NEK10: variants seen among roughly 807,000 people sequenced by gnomAD.
The protein encoded by NEK10 is NIMA related kinase 10, also known as serine/threonine-protein kinase Nek10.
In NEK10, 122 loss-of-function variants were observed where a neutral mutation model predicts 159.8. The ratio of observed to expected loss-of-function variants is 0.76; its 90% CI spans 0.66 to 0.89. NEK10 has a LOEUF of 0.89. NEK10 is among the 40% of genes least tolerant of loss of function. The pLI is 0.00. For synonymous variants in NEK10, 466 were observed against 457.1 expected (o/e 1.02, Z -0.25); for missense variants, 1,342 against 1,323.1 (o/e 1.01, Z -0.22).
chr3:27,340,426 A>G (rs566300013), intron 5 of NEK10, among the ~76,000 whole-genome samples: 3 of 152,132 alleles, frequency 2.0e-5, no homozygotes, highest in Non-Finnish European at 4.4e-5. Flanking sequence ...TAAAACCTAG[A>G]CAACGGGTGG....
In NEK10 at chr3:27,271,654, G is replaced by C. The variant is rs148628493; in HGVS notation, c.2014+12948C>G. Reference sequence around the variant, plus strand: ...GAGAGTTGAGAGGTATTCTTAAAATGAGCAAAAACTAATATTGTTTGGACA... The same window carrying C: ...GAGAGTTGAGAGGTATTCTTAAAATCAGCAAAAACTAATATTGTTTGGACA... On this transcript the variant is annotated intron_variant, in intron 22 of 35. Coordinates refer to ENST00000691995, the MANE Select transcript of NEK10 (RefSeq NM_001394966.1). Among the ~76,000 whole-genome samples the C allele has an allele frequency of 3.3e-5, 5 of 152,226 alleles. No individual in the cohort carries two copies. In the East Asian group the frequency reaches 9.6e-4, roughly 29 times the overall value.
chr3:27,299,266 G>A (rs561383844), intron 13 of NEK10, among the ~76,000 whole-genome samples: 25 of 152,314 alleles, frequency 1.6e-4, no homozygotes, highest in African/African-American at 5.5e-4. Context: ...ACTAAAAGGG[G>A]CCAAGGTACA....
intron 14 of NEK10, among the ~76,000 whole-genome samples, 177 bp downstream of exon 14, chr3:27,296,998 TAAAG>T (rs1294221109): frequency 2.0e-5 from 3 of 152,154 alleles, no homozygotes; most frequent in African/African-American, 4.8e-5. Flanking sequence ...TCAAATGAGT[TAAAG>T]GAGGAAGGAG....
intron 23 of NEK10, among the ~76,000 whole-genome samples, chr3:27,249,802 CTTCT>C (rs1223483205): frequency 1.4e-4 from 21 of 152,040 alleles, no homozygotes; most frequent in African/African-American, 5.1e-4. Flanking sequence ...CTCTTTCATT[CTTCT>C]TTCCTGTCTT....
intron 28 of NEK10, among the ~76,000 whole-genome samples, chr3:27,174,075 G>C (rs935907829): frequency 2.0e-5 from 3 of 151,956 alleles, no homozygotes; most frequent in Admixed American, 6.6e-5. Context: ...TCTATACCAG[G>C]ACCAATTTCT....
chr3:27,302,116 C>A (rs967370626), intron 12 of NEK10, among the ~76,000 whole-genome samples: 1 of 152,160 alleles, frequency 6.6e-6, no homozygotes, highest in Non-Finnish European at 1.5e-5. Flanking sequence ...GGAGTTGATT[C>A]ACCTGAATAC....
At chr3:27,208,572 C>A (rs964120833) in intron 23 of NEK10, among the ~76,000 whole-genome samples, 1 of 152,066 alleles carries the variant, frequency 6.6e-6, no homozygotes, top group African/African-American at 2.4e-5. Context: ...CACAGGACTT[C>A]AGAATTGATT....
At chr3:27,237,517 G>A (rs1444577692) in intron 23 of NEK10, among the ~76,000 whole-genome samples, 3 of 147,422 alleles carry the variant, frequency 2.0e-5, no homozygotes, top group Admixed American at 6.7e-5. Flanking sequence ...TTCCTCTGCC[G>A]TGGCTCCAGC....
At chr3:27,328,391 A>C (rs937836404) in intron 5 of NEK10, among the ~76,000 whole-genome samples, 1 of 152,214 alleles carries the variant, frequency 6.6e-6, no homozygotes, top group African/African-American at 2.4e-5. Context: ...ATTTTAGGAC[A>C]GTCACAGAAC....
intron 23 of NEK10, among the ~76,000 whole-genome samples, chr3:27,236,004 A>C (rs377411190): frequency 4.6e-5 from 7 of 152,328 alleles, no homozygotes; most frequent in Middle Eastern, 3.4e-3. Flanking sequence ...TTGCAGGAAC[A>C]TGGATAGAGC....
At chr3:27,225,127 A>G (rs994828307) in intron 23 of NEK10, among the ~76,000 whole-genome samples, 1 of 152,214 alleles carries the variant, frequency 6.6e-6, no homozygotes, top group Non-Finnish European at 1.5e-5. Context: ...AAACTAAAGA[A>G]CTTGGAGTCC....
chr3:27,207,737 G>A (rs1186104331), intron 23 of NEK10, among the ~76,000 whole-genome samples: 5 of 151,972 alleles, frequency 3.3e-5, no homozygotes, highest in South Asian at 4.2e-4. Context: ...TTCATCTCCC[G>A]GGAGTACCTT....
rs377531305 is a variant in NEK10 at position 27,131,922 on chromosome 3, G to A, written c.3039C>T (p.Ser1013=). The A allele has an allele frequency of 6.2e-6, 10 of 1,606,792 alleles. No homozygotes were observed. Among genetic ancestry groups the A allele is most frequent in the Non-Finnish European group, 8.5e-6 (10 of 1,174,758 alleles). Residue 1013 remains serine (S), a synonymous_variant, in exon 32 of 36, where the codon AGC becomes AGT. Coordinates refer to ENST00000691995, the MANE Select transcript of NEK10 (RefSeq NM_001394966.1). The part of the protein sequence containing the change: ...VIERFKKSLF[S]QQSNPCNLKS... Reference sequence around the variant, plus strand: ...TCAAATTACAAGGGTTACTCTGCTGGCTGAAGAGGGATTTCTTGAATCTCT... The same window carrying A: ...TCAAATTACAAGGGTTACTCTGCTGACTGAAGAGGGATTTCTTGAATCTCT...
At chr3:27,354,989 C>A (rs1389497616) in intron 1 of NEK10, among the ~76,000 whole-genome samples, 1 of 152,132 alleles carries the variant, frequency 6.6e-6, no homozygotes, top group Non-Finnish European at 1.5e-5. Context: ...AACATTGAAG[C>A]CAATACGAGG....
At chr3:27,236,204 A>G (rs1342394405) in intron 23 of NEK10, among the ~76,000 whole-genome samples, 1 of 152,104 alleles carries the variant, frequency 6.6e-6, no homozygotes, top group Non-Finnish European at 1.5e-5. Flanking sequence ...AATGGATGCT[A>G]AGTTTAATAC....
intron 5 of NEK10, among the ~76,000 whole-genome samples, chr3:27,336,926 C>A (rs2046842194): frequency 6.6e-6 from 1 of 151,966 alleles, no homozygotes; most frequent in Non-Finnish European, 1.5e-5. Flanking sequence ...AGAAATGGAA[C>A]ATGACAAGGC....
chr3:27,143,942 C>T (rs1944034325), intron 30 of NEK10, among the ~76,000 whole-genome samples: 1 of 152,218 alleles, frequency 6.6e-6, no homozygotes, highest in African/African-American at 2.4e-5. Context: ...TGAATCGGAA[C>T]TAGATTTTAA....
chr3:27,196,979 T>C (rs956792731), intron 25 of NEK10, among the ~76,000 whole-genome samples: 1 of 152,100 alleles, frequency 6.6e-6, no homozygotes, highest in East Asian at 1.9e-4. Flanking sequence ...TTTCCCATAA[T>C]ACTAACCATG....
chr3:27,158,098 T>A (rs1945668772), intron 30 of NEK10, among the ~76,000 whole-genome samples: 1 of 152,200 alleles, frequency 6.6e-6, no homozygotes. Context: ...TTTGCTTTAT[T>A]GCTGTTGGCC....
Sources: allele counts gnomAD v4.1 joint callset (sites outside exome capture counted in the v4.1 genomes callset), GRCh38; gene constraint gnomAD v4.1.1; transcripts MANE v1.5; gene names NCBI Gene and HGNC (gene_info 2026-07-23, HGNC 2026-07-21).